The following EML4 variants were observed in gnomAD, a reference collection of about 807,000 sequenced individuals.
EML4 encodes the protein echinoderm microtubule-associated protein-like 4.
A neutral mutation model predicts 129.0 loss-of-function variants in EML4; 72 were observed. The ratio of observed to expected loss-of-function variants is 0.56; its 90% CI spans 0.46 to 0.68. The LOEUF (loss-of-function observed/expected upper bound fraction) is 0.68, where lower values mean the gene tolerates loss of function less well. Among genes scored for constraint, EML4 ranks in the 30% least tolerant of loss-of-function variants. The pLI, the probability that EML4 is intolerant of heterozygous loss-of-function variation, is 0.00. For synonymous variants in EML4, 532 were observed against 405.0 expected (o/e 1.31, Z -3.77); for missense variants, 1,363 against 1,190.6 (o/e 1.14, Z -2.13).
intron 1 of EML4, among the ~76,000 whole-genome samples, chr2:42,193,063 GT>G (rs1174346111): frequency 6.6e-6 from 1 of 152,122 alleles, no homozygotes; most frequent in Non-Finnish European, 1.5e-5. Context: ...ATGTTTCATA[GT>G]AAAGAACAGT....
chr2:42,265,024 A>G, intron 6 of EML4: 1 of 1,330,906 alleles, frequency 7.5e-7, no homozygotes. Flanking sequence ...GCTTTTTATT[A>G]TTTATGCTGC....
chr2:42,269,019 C>T (rs1361185538), intron 6 of EML4, among the ~76,000 whole-genome samples: 1 of 152,104 alleles, frequency 6.6e-6, no homozygotes, highest in Non-Finnish European at 1.5e-5. Flanking sequence ...GTGCTGCCTC[C>T]CTGCTCTAGG....
chr2:42,307,206 A>C (rs1369576197), intron 17 of EML4, among the ~76,000 whole-genome samples: 1 of 152,226 alleles, frequency 6.6e-6, no homozygotes, highest in Non-Finnish European at 1.5e-5. Flanking sequence ...TGTTCTGAAA[A>C]ACTCACTGAA....
chr2:42,236,694 G>A lies in EML4; in HGVS notation c.26-8811G>A, dbSNP rs141993025. 1.5e-3 allele frequency among the ~76,000 whole-genome samples: 230 copies of A among 152,232 alleles called. 1 individual carries two copies. Among genetic ancestry groups the A allele is most frequent in the African/African-American group, 5.3e-3 (222 of 41,538 alleles). On this transcript the variant is annotated intron_variant, in intron 1 of 22. Transcript: ENST00000318522. ...ACACAGTGGAATTGCTGGGTCATAGGATGTGTGTGTCTTCAGTTTTACTAG... is the reference window on the plus strand; with the variant it reads ...ACACAGTGGAATTGCTGGGTCATAGAATGTGTGTGTCTTCAGTTTTACTAG...
chr2:42,213,261 C>G (rs1672983727), intron 1 of EML4, among the ~76,000 whole-genome samples: 2 of 152,132 alleles, frequency 1.3e-5, no homozygotes. Context: ...ACTACTACTC[C>G]CCCTCCCACA....
At chr2:42,202,844 G>A (rs114063228) in intron 1 of EML4, among the ~76,000 whole-genome samples, 3,464 of 152,044 alleles carry the variant, frequency 0.023, 123 homozygotes, top group African/African-American at 0.079. Context: ...CCTGGGCAAC[G>A]TAGCAAGACC....
chr2:42,303,479 C>T, intron 16 of EML4, 33 bp downstream of exon 16: 1 of 1,603,012 alleles, frequency 6.2e-7, no homozygotes, highest in African/African-American at 1.3e-5. Context: ...ATTAACCTCC[C>T]CACAGAAACT....
chr2:42,187,499 A>G (rs1369302794), intron 1 of EML4, among the ~76,000 whole-genome samples: 6 of 152,076 alleles, frequency 3.9e-5, no homozygotes, highest in South Asian at 2.1e-4. Flanking sequence ...ATTTCTTTGT[A>G]TGAATATACC....
intron 10 of EML4, 96 bp from the exon 11 acceptor site, chr2:42,288,131 T>C: frequency 1.8e-6 from 1 of 542,350 alleles, no homozygotes; most frequent in Non-Finnish European, 3.3e-6. Context: ...TTTTGGGTTA[T>C]CTTACTATTT....
At chr2:42,206,597 G>T (rs1445242723) in intron 1 of EML4, among the ~76,000 whole-genome samples, 1 of 152,018 alleles carries the variant, frequency 6.6e-6, no homozygotes, top group Non-Finnish European at 1.5e-5. Flanking sequence ...AGCCTTTTTT[G>T]TTCCTTTTAT....
At chr2:42,250,294 T>G (rs1371747832) in intron 2 of EML4, among the ~76,000 whole-genome samples, 8 of 152,174 alleles carry the variant, frequency 5.3e-5, no homozygotes, top group Non-Finnish European at 8.8e-5. Flanking sequence ...ACATTGCTAA[T>G]TATGTAAAAT....
At position 42,331,886 on chromosome 2, in the gene EML4, T is replaced by A. The variant is rs1670119454; in HGVS notation, c.*1679T>A. ...CCACGTTGAAAATACTCAGTGTAGA[T>A]CTCTATGTGTATAGGTATCTGTATA... On this transcript the variant is annotated 3_prime_UTR_variant, in exon 23 of 23. Coordinates refer to ENST00000318522, the MANE Select transcript of EML4 (RefSeq NM_019063.5). The A allele has an allele frequency of 4.6e-6, 1 of 218,568 alleles. No homozygotes were observed. Among genetic ancestry groups the A allele is most frequent in the Non-Finnish European group, 9.2e-6 (1 of 108,530 alleles). The allele number at this position is 218,568 out of a possible 1,614,324, so 13.5% of individuals were successfully genotyped here.
intron 1 of EML4, among the ~76,000 whole-genome samples, chr2:42,229,175 G>T (rs1192816735): frequency 6.6e-6 from 1 of 152,114 alleles, no homozygotes; most frequent in Non-Finnish European, 1.5e-5. Context: ...GATGATTATA[G>T]TAGTAGCTAA....
intron 5 of EML4, 78 bp downstream of exon 5, chr2:42,263,384 T>C (rs1665852835): frequency 1.2e-5 from 14 of 1,127,290 alleles, no homozygotes; most frequent in Admixed American, 3.2e-5. Context: ...CAGTTATGTA[T>C]GTCTGGTTTG....
chr2:42,264,669 T>G (rs770119086), intron 5 of EML4, 37 bp from the exon 6 acceptor site: 1 of 1,220,290 alleles, frequency 8.2e-7, no homozygotes, highest in Non-Finnish European at 1.2e-6. Context: ...CCATATAAAC[T>G]TATAAAATAA....
chr2:42,235,816 C>G (rs1558526884), intron 1 of EML4, among the ~76,000 whole-genome samples: 1 of 151,914 alleles, frequency 6.6e-6, no homozygotes, highest in Non-Finnish European at 1.5e-5. Flanking sequence ...GTTTTTATGC[C>G]ACAAAACCCC....
intron 1 of EML4, among the ~76,000 whole-genome samples, chr2:42,177,182 C>T (rs939306644): frequency 2.0e-5 from 3 of 151,782 alleles, no homozygotes; most frequent in African/African-American, 4.8e-5. Context: ...ATTTCATGAT[C>T]CAGTAAAATG....
chr2:42,313,043 C>T (rs1212785092), intron 17 of EML4, among the ~76,000 whole-genome samples: 2 of 145,128 alleles, frequency 1.4e-5, no homozygotes, highest in Non-Finnish European at 3.0e-5. Flanking sequence ...CCACCGCCTG[C>T]GTTCACGCCA....
At chr2:42,270,435 G>A (rs1274536215) in intron 6 of EML4, among the ~76,000 whole-genome samples, 1 of 152,144 alleles carries the variant, frequency 6.6e-6, no homozygotes, top group East Asian at 1.9e-4. Flanking sequence ...TGGCACACGT[G>A]TAGTCCCAGC....
Sources: allele counts gnomAD v4.1 joint callset (sites outside exome capture counted in the v4.1 genomes callset), GRCh38; gene constraint gnomAD v4.1.1; transcripts MANE v1.5; gene names NCBI Gene and HGNC (gene_info 2026-07-23, HGNC 2026-07-21).